SLF2: variants seen among roughly 807,000 people sequenced by gnomAD.
SLF2 encodes the protein SMC5/6 complex localization factor 2, also known as SMC5-SMC6 complex localization factor protein 2.
In SLF2, 68 loss-of-function variants were observed where a neutral mutation model predicts 124.3. The observed-to-expected ratio is 0.55, with a 90% CI of 0.45 to 0.67. The LOEUF (loss-of-function observed/expected upper bound fraction) is 0.67. Ranked by LOEUF, SLF2 falls within the 30% of genes least tolerant of loss-of-function variation. SLF2 has a pLI of 0.00. For missense variants in SLF2, 1,246 were observed against 1,373.7 expected, an observed-to-expected ratio of 0.91 and a Z score of 1.47; for synonymous variants, 480 against 478.8, an observed-to-expected ratio of 1.00 and a Z score of -0.03.
chr10:100,914,245 A>G (rs1000445462), intron 1 of SLF2, among the ~76,000 whole-genome samples: 1 of 152,188 alleles, frequency 6.6e-6, no homozygotes, highest in African/African-American at 2.4e-5. Flanking sequence ...AGAATTCTAA[A>G]ACACATTTGG....
At chr10:100,927,659 G>A (rs747937568) in intron 6 of SLF2, among the ~76,000 whole-genome samples, 5 of 152,140 alleles carry the variant, frequency 3.3e-5, no homozygotes, top group Non-Finnish European at 7.3e-5. Flanking sequence ...TTGAGGAACC[G>A]CCACACTGTT....
At chr10:100,957,849 C>T (rs996211982) in intron 18 of SLF2, among the ~76,000 whole-genome samples, 5 of 151,952 alleles carry the variant, frequency 3.3e-5, no homozygotes, top group African/African-American at 4.8e-5. Context: ...ACAGTTTTTC[C>T]TGAAACATAA....
At chr10:100,919,506 T>C (rs1016486638) in intron 4 of SLF2, among the ~76,000 whole-genome samples, 3 of 139,888 alleles carry the variant, frequency 2.1e-5, no homozygotes, top group African/African-American at 8.3e-5. Context: ...TTAGCATTTA[T>C]TGATTGAAAA....
chr10:100,937,013 A>C (rs868557167), intron 9 of SLF2, among the ~76,000 whole-genome samples: 22 of 152,146 alleles, frequency 1.4e-4, no homozygotes, highest in African/African-American at 4.8e-4. Flanking sequence ...GTACTACTTC[A>C]TAAGGTTATC....
At chr10:100,947,240 A>G (rs1046106375) in intron 14 of SLF2, 104 bp downstream of exon 14, 2 of 632,014 alleles carry the variant, frequency 3.2e-6, no homozygotes, top group African/African-American at 3.8e-5. Flanking sequence ...ATGTTAGATC[A>G]GATATGTTTA....
chr10:100,939,534 C>G (rs1001250264), intron 11 of SLF2, among the ~76,000 whole-genome samples: 18 of 151,972 alleles, frequency 1.2e-4, no homozygotes, highest in African/African-American at 3.9e-4. Flanking sequence ...AAACGTTAGC[C>G]AGGTGTAGTG....
At chr10:100,932,012 T>C (rs971684731) in intron 9 of SLF2, among the ~76,000 whole-genome samples, 1 of 151,816 alleles carries the variant, frequency 6.6e-6, no homozygotes, top group Non-Finnish European at 1.5e-5. Context: ...AAGACATTTA[T>C]ATGGGAGGGC....
intron 8 of SLF2, 93 bp downstream of exon 8, chr10:100,930,090 T>G: frequency 2.7e-6 from 2 of 745,262 alleles, no homozygotes; most frequent in South Asian, 2.8e-5. Flanking sequence ...GGTTAATTTC[T>G]ATTATGACCT....
Position 100,929,459 on chromosome 10 carries a change from G to C in SLF2, c.2165+20G>C. 1 of 1,555,292 alleles carries C rather than the reference G, an allele frequency of 6.4e-7. No individual in the cohort carries two copies. Among genetic ancestry groups the C allele is most frequent in the Non-Finnish European group, 8.7e-7 (1 of 1,153,704 alleles). On this transcript the variant is annotated intron_variant, in intron 7 of 19. Transcript: ENST00000238961. ...GCACAAGTATAGCATTTTTCATAAT[G>C]TATTTTACCTTATTAAAGTTTTTAC...
chr10:100,953,242 G>A (rs1355580433), intron 17 of SLF2, among the ~76,000 whole-genome samples: 4 of 151,584 alleles, frequency 2.6e-5, no homozygotes, highest in South Asian at 2.1e-4. Flanking sequence ...TGTTGCTCTC[G>A]AACTCCTGAC....
chr10:100,951,910 T>G (rs905056542), intron 17 of SLF2, among the ~76,000 whole-genome samples: 1 of 152,230 alleles, frequency 6.6e-6, no homozygotes, highest in African/African-American at 2.4e-5. Flanking sequence ...TTAATTCCTT[T>G]TATTTCATAT....
chr10:100,921,366 G>A (rs952970313), intron 4 of SLF2, among the ~76,000 whole-genome samples: 10 of 152,180 alleles, frequency 6.6e-5, no homozygotes, highest in African/African-American at 2.4e-4. Context: ...ACGGGCGTGA[G>A]CCACCATGCC....
At chr10:100,932,720 T>TGCGC (rs1554878718) in intron 9 of SLF2, among the ~76,000 whole-genome samples, 53 of 36,266 alleles carry the variant, frequency 1.5e-3, no homozygotes, top group Middle Eastern at 0.022. Flanking sequence ...TGTGTGTGTG[T>TGCGC]GCGCGCGCGC....
At chr10:100,913,329 C>G (rs924995175) in intron 1 of SLF2, 79 bp downstream of exon 1, 1 of 1,384,640 alleles carries the variant, frequency 7.2e-7, no homozygotes, top group Non-Finnish European at 9.4e-7. Flanking sequence ...CGCCGCTCTT[C>G]CAGTTCCCGC....
intron 4 of SLF2, among the ~76,000 whole-genome samples, chr10:100,922,137 G>A (rs1263087853): frequency 3.3e-5 from 5 of 152,194 alleles, no homozygotes; most frequent in African/African-American, 1.2e-4. Flanking sequence ...AGGCTGGAGT[G>A]CAATGGCACA....
chr10:100,913,967 GC>G, intron 1 of SLF2: 1 of 785,962 alleles, frequency 1.3e-6, no homozygotes, highest in Non-Finnish European at 1.5e-6. Flanking sequence ...TGTGGTACAG[GC>G]CCACAATCCC....
chr10:100,936,556 C>CA (rs1234984598), intron 9 of SLF2, among the ~76,000 whole-genome samples: 1 of 151,078 alleles, frequency 6.6e-6, no homozygotes, highest in African/African-American at 2.4e-5. Context: ...AGGATGGTCT[C>CA]GATCTCCTGA....
intron 11 of SLF2, among the ~76,000 whole-genome samples, chr10:100,939,494 G>A (rs1427239880): frequency 2.6e-5 from 4 of 152,124 alleles, no homozygotes; most frequent in African/African-American, 4.8e-5. Context: ...TGACCAACAT[G>A]GTGAAACCCT....
chr10:100,950,262 T>C, intron 16 of SLF2, 55 bp downstream of exon 16: 2 of 1,542,184 alleles, frequency 1.3e-6, no homozygotes, highest in Non-Finnish European at 1.8e-6. Flanking sequence ...TGTTATCAGC[T>C]TACTAACCAT....
Sources: allele counts gnomAD v4.1 joint callset (sites outside exome capture counted in the v4.1 genomes callset), GRCh38; gene constraint gnomAD v4.1.1; transcripts MANE v1.5; gene names NCBI Gene and HGNC (gene_info 2026-07-23, HGNC 2026-07-21).